AUTS2: variants seen among roughly 807,000 people sequenced by gnomAD.
AUTS2 encodes activator of transcription and developmental regulator AUTS2.
AUTS2 carries 17 observed loss-of-function variants against 112.4 expected under a neutral mutation model. The ratio of observed to expected loss-of-function variants is 0.15; its 90% CI spans 0.10 to 0.23. AUTS2 has a LOEUF of 0.23. Ranked by LOEUF, AUTS2 falls within the 10% of genes least tolerant of loss-of-function variation. The probability of loss-of-function intolerance (pLI) is 1.00; values close to 1 mark genes in which losing one functional copy is unlikely to be tolerated. For missense variants in AUTS2, 1,510 were observed against 1,701.6 expected, an observed-to-expected ratio of 0.89 and a Z score of 1.98; for synonymous variants, 751 against 702.7, an observed-to-expected ratio of 1.07 and a Z score of -1.09.
intron 4 of AUTS2, among the ~76,000 whole-genome samples, chr7:70,281,789 G>A (rs1788228000): frequency 6.6e-6 from 1 of 152,178 alleles, no homozygotes; most frequent in South Asian, 2.1e-4. Context: ...AAAGGCTATT[G>A]TCATTCTCCA....
intron 1 of AUTS2, among the ~76,000 whole-genome samples, chr7:69,732,434 G>A (rs1444921928): frequency 1.3e-5 from 2 of 152,044 alleles, no homozygotes; most frequent in Non-Finnish European, 2.9e-5. Flanking sequence ...GTGTGCGTGA[G>A]GTGTGTCAGC....
At chr7:70,605,516 T>C (rs556023835) in intron 5 of AUTS2, among the ~76,000 whole-genome samples, 1 of 150,964 alleles carries the variant, frequency 6.6e-6, no homozygotes, top group East Asian at 1.9e-4. Flanking sequence ...TGTCTTTCTT[T>C]TTTTTTTCTT....
intron 1 of AUTS2, among the ~76,000 whole-genome samples, chr7:69,749,428 C>T (rs1028632509): frequency 2.0e-5 from 3 of 152,206 alleles, no homozygotes; most frequent in Non-Finnish European, 4.4e-5. Context: ...TCCTCTTCCT[C>T]ATCAGATGTT....
intron 4 of AUTS2, among the ~76,000 whole-genome samples, chr7:70,424,464 G>C (rs1795348299): frequency 6.6e-6 from 1 of 152,190 alleles, no homozygotes. Context: ...CTGGGTTCAA[G>C]TGCCATCTCT....
At chr7:70,634,607 T>A (rs1805441239) in intron 5 of AUTS2, among the ~76,000 whole-genome samples, 1 of 152,152 alleles carries the variant, frequency 6.6e-6, no homozygotes, top group Non-Finnish European at 1.5e-5. Flanking sequence ...ACACAAGATC[T>A]TTCCTGCCCC....
intron 6 of AUTS2, among the ~76,000 whole-genome samples, chr7:70,719,243 C>G (rs1234529496): frequency 6.6e-6 from 1 of 152,128 alleles, no homozygotes; most frequent in Non-Finnish European, 1.5e-5. Flanking sequence ...ATCCATATCT[C>G]CCCTGAGCTG....
chr7:70,547,549 G>A (rs992312105), intron 5 of AUTS2, among the ~76,000 whole-genome samples: 2 of 152,068 alleles, frequency 1.3e-5, no homozygotes, highest in African/African-American at 2.4e-5. Flanking sequence ...CACCGTGCCC[G>A]GCCGTAATGT....
At chr7:70,420,833 TTGATCGTGG>T (rs1266090229) in intron 4 of AUTS2, among the ~76,000 whole-genome samples, 1 of 152,254 alleles carries the variant, frequency 6.6e-6, no homozygotes, top group Non-Finnish European at 1.5e-5. Context: ...GTTCACTGTC[TTGATCGTGG>T]TGATGGCTTC....
chr7:70,566,299 C>T (rs897457810), intron 5 of AUTS2, among the ~76,000 whole-genome samples: 5 of 152,160 alleles, frequency 3.3e-5, no homozygotes, highest in Non-Finnish European at 7.3e-5. Flanking sequence ...CATTGTATTT[C>T]AATTTCTATG....
At chr7:70,749,930 C>T (rs760112724) in intron 6 of AUTS2, among the ~76,000 whole-genome samples, 45 of 152,238 alleles carry the variant, frequency 3.0e-4, no homozygotes, top group Non-Finnish European at 1.5e-4. Flanking sequence ...AGAGCTTCCA[C>T]CTACACTACA....
intron 1 of AUTS2, among the ~76,000 whole-genome samples, chr7:69,877,660 C>T (rs532071056): frequency 9.1e-4 from 139 of 152,202 alleles, no homozygotes; most frequent in Admixed American, 1.4e-3. Flanking sequence ...GTCTTTATTT[C>T]TATGAGTACC....
intron 4 of AUTS2, among the ~76,000 whole-genome samples, chr7:70,274,611 TGTGA>T (rs1192415633): frequency 1.3e-5 from 2 of 152,022 alleles, no homozygotes; most frequent in East Asian, 1.9e-4. Context: ...TTGTTATTGT[TGTGA>T]GTGAGTGAGT....
chr7:70,078,274 G>A (rs1272210367), intron 2 of AUTS2, among the ~76,000 whole-genome samples: 1 of 152,054 alleles, frequency 6.6e-6, no homozygotes, highest in South Asian at 2.1e-4. Flanking sequence ...CTAACAGGCA[G>A]GTAGCATATA....
intron 4 of AUTS2, among the ~76,000 whole-genome samples, chr7:70,411,190 A>G (rs1053250240): frequency 1.5e-4 from 23 of 152,218 alleles, no homozygotes; most frequent in Admixed American, 5.2e-4. Context: ...TTAATTAAAC[A>G]TATCACTGCC....
intron 4 of AUTS2, among the ~76,000 whole-genome samples, chr7:70,281,244 A>G (rs533885804): frequency 5.9e-5 from 9 of 152,330 alleles, no homozygotes; most frequent in African/African-American, 2.2e-4. Flanking sequence ...GAGATCCTAT[A>G]GGGATGTGCC....
chr7:69,895,094 G>A (rs1222873529), intron 1 of AUTS2, among the ~76,000 whole-genome samples: 2 of 152,280 alleles, frequency 1.3e-5, no homozygotes, highest in East Asian at 3.9e-4. Context: ...TTGGTTGGTG[G>A]TGGAGGAAAG....
chr7:69,996,216 A>G (rs1190568099), intron 2 of AUTS2, among the ~76,000 whole-genome samples: 1 of 152,196 alleles, frequency 6.6e-6, no homozygotes, highest in African/African-American at 2.4e-5. Context: ...AACCCCCTTC[A>G]TAAATTTGCA....
intron 5 of AUTS2, among the ~76,000 whole-genome samples, chr7:70,467,901 T>C (rs529076671): frequency 6.6e-6 from 1 of 152,306 alleles, no homozygotes; most frequent in East Asian, 1.9e-4. Context: ...AATTCTGTCC[T>C]GCTCCTTTCC....
At chr7:70,711,595 C>T (rs753817288) in intron 6 of AUTS2, among the ~76,000 whole-genome samples, 21 of 152,292 alleles carry the variant, frequency 1.4e-4, no homozygotes, top group Middle Eastern at 3.4e-3. Flanking sequence ...ACAGTCACAG[C>T]GCTGCCTGGT....
Sources: allele counts gnomAD v4.1 joint callset (sites outside exome capture counted in the v4.1 genomes callset), GRCh38; gene constraint gnomAD v4.1.1; transcripts MANE v1.5; gene names NCBI Gene and HGNC (gene_info 2026-07-23, HGNC 2026-07-21).